The following FARSB variants were observed in gnomAD, a reference collection of about 807,000 sequenced individuals.
The protein encoded by FARSB is phenylalanyl-tRNA synthetase subunit beta.
A neutral mutation model predicts 69.6 loss-of-function variants in FARSB; 40 were observed. The observed-to-expected ratio is 0.57, with a 90% CI of 0.45 to 0.75. FARSB has a LOEUF of 0.75. Among genes scored for constraint, FARSB ranks in the 30% least tolerant of loss-of-function variants. The probability of loss-of-function intolerance (pLI) is 0.00; values close to 1 mark genes in which losing one functional copy is unlikely to be tolerated. For missense variants in FARSB, 632 were observed against 722.9 expected (o/e 0.87, Z 1.44); for synonymous variants, 235 against 247.2 (o/e 0.95, Z 0.46).
At chr2:222,630,664 A>G (rs1283074104) in intron 8 of FARSB, among the ~76,000 whole-genome samples, 1 of 152,120 alleles carries the variant, frequency 6.6e-6, no homozygotes, top group African/African-American at 2.4e-5. Context: ...TTGTTAAATA[A>G]TTTTTCTATT....
chr2:222,594,923 A>G (rs1324553533), intron 16 of FARSB, among the ~76,000 whole-genome samples: 1 of 152,214 alleles, frequency 6.6e-6, no homozygotes, highest in Non-Finnish European at 1.5e-5. Context: ...TTCTATAAAA[A>G]CAGTGCCTGT....
chr2:222,580,679 C>A (rs1689943407), intron 16 of FARSB, among the ~76,000 whole-genome samples: 1 of 151,864 alleles, frequency 6.6e-6, no homozygotes, highest in Non-Finnish European at 1.5e-5. Context: ...ACAACTACTG[C>A]CTTTAAAAAA....
At chr2:222,588,002 A>AT (rs1484031159) in intron 16 of FARSB, among the ~76,000 whole-genome samples, 1 of 152,196 alleles carries the variant, frequency 6.6e-6, no homozygotes, top group African/African-American at 2.4e-5. Context: ...TCCCTAACTC[A>AT]TTTTATGGGG....
intron 1 of FARSB, among the ~76,000 whole-genome samples, chr2:222,650,373 G>C (rs186005139): frequency 8.1e-4 from 123 of 152,314 alleles, no homozygotes; most frequent in South Asian, 1.7e-3. Flanking sequence ...TCGCAGAGTA[G>C]AGGATGGATT....
intron 16 of FARSB, among the ~76,000 whole-genome samples, chr2:222,588,355 A>T (rs1690175942): frequency 6.6e-6 from 1 of 152,162 alleles, no homozygotes; most frequent in Admixed American, 6.5e-5. Flanking sequence ...TTGATGGAAC[A>T]TATCTCAAAA....
chr2:222,609,523 A>G (rs1690789293), intron 15 of FARSB, among the ~76,000 whole-genome samples: 1 of 152,126 alleles, frequency 6.6e-6, no homozygotes, highest in Non-Finnish European at 1.5e-5. Flanking sequence ...AGCATATGCC[A>G]CTCTGCCCAA....
intron 1 of FARSB, among the ~76,000 whole-genome samples, chr2:222,654,690 C>A (rs565510571): frequency 2.0e-5 from 3 of 152,088 alleles, no homozygotes; most frequent in African/African-American, 7.2e-5. Context: ...GCAGAACTTA[C>A]GAAGAATATC....
intron 15 of FARSB, among the ~76,000 whole-genome samples, chr2:222,604,690 G>C (rs1690654341): frequency 1.3e-5 from 2 of 151,538 alleles, no homozygotes; most frequent in Non-Finnish European, 2.9e-5. Flanking sequence ...TGAGTAGCTG[G>C]GAGTACAAGC....
At chr2:222,606,094 A>T (rs1335672207) in intron 15 of FARSB, among the ~76,000 whole-genome samples, 1 of 152,172 alleles carries the variant, frequency 6.6e-6, no homozygotes, top group Admixed American at 6.5e-5. Context: ...TATTAAGCCC[A>T]CCGTAATAAT....
intron 16 of FARSB, among the ~76,000 whole-genome samples, chr2:222,578,701 C>T (rs1294753720): frequency 6.0e-5 from 9 of 151,126 alleles, no homozygotes; most frequent in Admixed American, 2.6e-4. Flanking sequence ...TAGCTGGGGC[C>T]GGGCACAGTA....
chr2:222,608,553 G>A (rs567363946), intron 15 of FARSB, among the ~76,000 whole-genome samples: 1 of 152,244 alleles, frequency 6.6e-6, no homozygotes, highest in Admixed American at 6.5e-5. Flanking sequence ...GGCCTTGGTG[G>A]TCAAGGGAGG....
In FARSB at chr2:222,571,803, G is replaced by C; in HGVS notation, c.*68C>G. ...CCAAATAGATGTTCCCTGTGGAGGA[G>C]GACTTAAGGACACTAGGGGAGGAGA... On this transcript the variant is annotated 3_prime_UTR_variant, in exon 17 of 17. Coordinates refer to ENST00000281828, the MANE Select transcript of FARSB (RefSeq NM_005687.5). 1 of 1,329,668 alleles carries C rather than the reference G, an allele frequency of 7.5e-7. No homozygotes were observed. Among genetic ancestry groups the C allele is most frequent in the Non-Finnish European group, 1.0e-6 (1 of 954,286 alleles). The allele number at this position is 1,329,668 out of a possible 1,614,324, so 82.4% of individuals were successfully genotyped here. A position where few individuals can be genotyped will look rare whatever the true frequency, so the allele number is the denominator to read the frequency against.
chr2:222,648,925 T>C (rs1204725301), intron 1 of FARSB, 130 bp from the exon 2 acceptor site: 4 of 720,686 alleles, frequency 5.6e-6, no homozygotes, highest in Non-Finnish European at 1.0e-5. Flanking sequence ...GCATCACATA[T>C]TATCATTTAA....
At chr2:222,649,905 T>G (rs1330391665) in intron 1 of FARSB, among the ~76,000 whole-genome samples, 2 of 152,204 alleles carry the variant, frequency 1.3e-5, no homozygotes, top group Non-Finnish European at 2.9e-5. Context: ...ACACTAAATT[T>G]CAATTTAACA....
intron 14 of FARSB, among the ~76,000 whole-genome samples, chr2:222,617,631 C>G (rs1010802536): frequency 1.3e-5 from 2 of 152,228 alleles, no homozygotes; most frequent in African/African-American, 4.8e-5. Context: ...CACTTGTCAT[C>G]CCAGCACTCT....
intron 10 of FARSB, among the ~76,000 whole-genome samples, chr2:222,628,110 G>A (rs1358549589): frequency 6.6e-6 from 1 of 152,190 alleles, no homozygotes; most frequent in Non-Finnish European, 1.5e-5. Flanking sequence ...TTATTTATTA[G>A]TTACAGTGAT....
intron 16 of FARSB, among the ~76,000 whole-genome samples, chr2:222,580,755 C>CT (rs1413888171): frequency 6.6e-6 from 1 of 151,666 alleles, no homozygotes; most frequent in Non-Finnish European, 1.5e-5. Flanking sequence ...AAGAGGAAAC[C>CT]TTTTTTCAGA....
intron 14 of FARSB, among the ~76,000 whole-genome samples, chr2:222,618,254 T>C (rs1691047791): frequency 6.6e-6 from 1 of 152,224 alleles, no homozygotes; most frequent in Admixed American, 6.5e-5. Context: ...GGTGGTTCTA[T>C]AGATAAACTT....
At chr2:222,576,526 ATATTG>A (rs1357686645) in intron 16 of FARSB, among the ~76,000 whole-genome samples, 1 of 152,154 alleles carries the variant, frequency 6.6e-6, no homozygotes, top group East Asian at 1.9e-4. Flanking sequence ...AATTATATAG[ATATTG>A]TAAGCCACTG....
Sources: gnomAD v4.1 joint callset for allele counts (sites outside exome capture counted in the v4.1 genomes callset) on GRCh38, gnomAD v4.1.1 for gene constraint, MANE v1.5 for transcripts, NCBI Gene and HGNC (gene_info 2026-07-23, HGNC 2026-07-21) for gene names.